Variants in TMEM132C observed in about 807,000 individuals in gnomAD.
TMEM132C encodes the protein transmembrane protein 132C.
In TMEM132C, 29 loss-of-function variants were observed where a neutral mutation model predicts 61.4. The ratio of observed to expected loss-of-function variants is 0.47; its 90% CI spans 0.35 to 0.64. The LOEUF is 0.64. Ranked by LOEUF, TMEM132C falls within the 30% of genes least tolerant of loss-of-function variation. The pLI, the probability that TMEM132C is intolerant of heterozygous loss-of-function variation, is 0.00. For synonymous variants in TMEM132C, 656 were observed against 633.1 expected (o/e 1.04, Z -0.54); for missense variants, 1,408 against 1,476.9 (o/e 0.95, Z 0.76).
At chr12:128,567,026 G>A (rs1352642318) in intron 3 of TMEM132C, among the ~76,000 whole-genome samples, 2 of 152,110 alleles carry the variant, frequency 1.3e-5, no homozygotes, top group African/African-American at 4.8e-5. Flanking sequence ...CTCACTTCTA[G>A]AAACTTGGGA....
intron 2 of TMEM132C, among the ~76,000 whole-genome samples, chr12:128,500,458 G>C (rs1214299191): frequency 6.6e-6 from 1 of 151,938 alleles, no homozygotes; most frequent in Non-Finnish European, 1.5e-5. Flanking sequence ...TAAGCATCTA[G>C]TATCTAGAAC....
At chr12:128,307,242 A>G (rs949094345) in intron 1 of TMEM132C, among the ~76,000 whole-genome samples, 1 of 152,184 alleles carries the variant, frequency 6.6e-6, no homozygotes, top group African/African-American at 2.4e-5. Context: ...TTGGGGGAGA[A>G]GTAATAGCTT....
intron 4 of TMEM132C, among the ~76,000 whole-genome samples, chr12:128,639,096 G>T (rs1009674535): frequency 3.4e-5 from 5 of 147,108 alleles, no homozygotes; most frequent in Non-Finnish European, 7.5e-5. Context: ...GATGATGATG[G>T]TGTTGATAAT....
intron 3 of TMEM132C, among the ~76,000 whole-genome samples, chr12:128,608,412 C>G (rs1876500970): frequency 1.3e-5 from 2 of 152,182 alleles, no homozygotes; most frequent in African/African-American, 2.4e-5. Flanking sequence ...AGATGGGACT[C>G]AGGCATCAGA....
chr12:128,282,360 G>T (rs745783370), intron 1 of TMEM132C, among the ~76,000 whole-genome samples: 3 of 152,214 alleles, frequency 2.0e-5, no homozygotes, highest in Non-Finnish European at 2.9e-5. Context: ...TCACAGTTCT[G>T]CATGGCTTGG....
chr12:128,440,696 C>CATA (rs1869752489), intron 2 of TMEM132C, among the ~76,000 whole-genome samples: 1 of 152,204 alleles, frequency 6.6e-6, no homozygotes, highest in African/African-American at 2.4e-5. Context: ...GAGTTTCTAG[C>CATA]TTCTGTCTTG....
At chr12:128,489,054 C>T (rs1000278816) in intron 2 of TMEM132C, among the ~76,000 whole-genome samples, 1 of 152,128 alleles carries the variant, frequency 6.6e-6, no homozygotes, top group Non-Finnish European at 1.5e-5. Context: ...AGTCCCAGAT[C>T]ACATAATTAA....
chr12:128,631,177 G>C (rs1020849160), intron 4 of TMEM132C, among the ~76,000 whole-genome samples: 2 of 152,224 alleles, frequency 1.3e-5, no homozygotes, highest in Non-Finnish European at 2.9e-5. Flanking sequence ...GTAATGGTCT[G>C]TGTCTGCACT....
intron 2 of TMEM132C, among the ~76,000 whole-genome samples, chr12:128,436,662 A>AT (rs1869602707): frequency 6.6e-6 from 1 of 152,224 alleles, no homozygotes; most frequent in Admixed American, 6.5e-5. Flanking sequence ...GCTGGAGAGG[A>AT]TGTGGAGAAA....
At chr12:128,393,092 C>T (rs1465159855) in intron 1 of TMEM132C, among the ~76,000 whole-genome samples, 1 of 152,226 alleles carries the variant, frequency 6.6e-6, no homozygotes, top group Non-Finnish European at 1.5e-5. Context: ...CCTATCATGG[C>T]ATGCAACTTG....
rs544379648 is a variant in TMEM132C at position 128,580,294 on chromosome 12, G to A, written c.1122-35858G>A. ...AAATTAGCCGGACGTGGTGGCGGGCGCCTGTAGTCCCAGCTACTCGGGAAG... is the reference window on the plus strand; with the variant it reads ...AAATTAGCCGGACGTGGTGGCGGGCACCTGTAGTCCCAGCTACTCGGGAAG... On this transcript the variant is annotated intron_variant, in intron 3 of 8. Coordinates refer to ENST00000435159, the MANE Select transcript of TMEM132C (RefSeq NM_001136103.3). Among the ~76,000 whole-genome samples, 18 of 152,198 alleles carry A rather than the reference G, an allele frequency of 1.2e-4. No homozygotes were observed. In the East Asian group the frequency reaches 1.4e-3, roughly 11 times the overall value.
intron 1 of TMEM132C, among the ~76,000 whole-genome samples, chr12:128,391,826 C>T (rs560004856): frequency 2.0e-5 from 3 of 152,220 alleles, no homozygotes; most frequent in Non-Finnish European, 2.9e-5. Flanking sequence ...GTCTGGCAAA[C>T]TAGAACCCTT....
chr12:128,697,932 C>T (rs942205333), intron 8 of TMEM132C, among the ~76,000 whole-genome samples: 1 of 152,202 alleles, frequency 6.6e-6, no homozygotes, highest in Non-Finnish European at 1.5e-5. Context: ...CCACCCTCAC[C>T]GCTGAGCATG....
At position 128,651,827 on chromosome 12, in the gene TMEM132C, A is replaced by G. The variant is rs554861597; in HGVS notation, c.1306-17590A>G. ...GCCATGTTTAAGATATAGCAACAAG[A>G]TGCTGTGGCTGGAAAACATGATGGA... is the stretch of plus-strand genomic sequence containing the variant. On this transcript the variant is annotated intron_variant, in intron 4 of 8. Transcript: ENST00000435159. Among the ~76,000 whole-genome samples, 4 of 152,260 alleles carry G rather than the reference A, an allele frequency of 2.6e-5. No individual in the cohort carries two copies. The South Asian group carries it at 8.3e-4, about 32-fold the overall frequency.
At chr12:128,332,427 G>C (rs1208076068) in intron 1 of TMEM132C, among the ~76,000 whole-genome samples, 1 of 152,208 alleles carries the variant, frequency 6.6e-6, no homozygotes, top group Non-Finnish European at 1.5e-5. Flanking sequence ...ATTGTTAACA[G>C]CTCTTCCTTG....
chr12:128,612,757 C>T (rs1876677489), intron 3 of TMEM132C, among the ~76,000 whole-genome samples: 1 of 152,212 alleles, frequency 6.6e-6, no homozygotes, highest in South Asian at 2.1e-4. Context: ...CGGGAGGTCA[C>T]CTCACTGCTC....
chr12:128,505,354 T>C (rs1229837418), intron 2 of TMEM132C, among the ~76,000 whole-genome samples: 1 of 152,052 alleles, frequency 6.6e-6, no homozygotes. Context: ...ACTTCCAAAA[T>C]CCTAGGAGGC....
chr12:128,631,910 C>T (rs1353810476), intron 4 of TMEM132C, among the ~76,000 whole-genome samples: 1 of 152,194 alleles, frequency 6.6e-6, no homozygotes, highest in Non-Finnish European at 1.5e-5. Context: ...AAGCAGCCAC[C>T]CTGACTGTGA....
intron 2 of TMEM132C, among the ~76,000 whole-genome samples, chr12:128,527,707 ATGTGTGTG>A (rs5801799): frequency 1.4e-5 from 2 of 147,100 alleles, no homozygotes; most frequent in Non-Finnish European, 3.0e-5. Flanking sequence ...ATGTGCATGT[ATGTGTGTG>A]TGTGTGTGTG....
Sources: gnomAD v4.1 joint callset for allele counts (sites outside exome capture counted in the v4.1 genomes callset) on GRCh38, gnomAD v4.1.1 for gene constraint, MANE v1.5 for transcripts, NCBI Gene and HGNC (gene_info 2026-07-23, HGNC 2026-07-21) for gene names.